Variants in TCF12 observed in about 807,000 individuals in gnomAD.
The protein encoded by TCF12 is transcription factor 12, also known as DNA-binding protein HTF4.
Under a neutral mutation model 86.0 loss-of-function variants are expected in TCF12, and 45 were observed. The observed-to-expected ratio is 0.52, with a 90% CI of 0.41 to 0.67. The LOEUF is 0.67. Ranked by LOEUF, TCF12 falls within the 30% of genes least tolerant of loss-of-function variation. The pLI, the probability that TCF12 is intolerant of heterozygous loss-of-function variation, is 0.00. For synonymous variants in TCF12, 330 were observed against 299.6 expected, an observed-to-expected ratio of 1.10 and a Z score of -1.05; for missense variants, 881 against 859.9, an observed-to-expected ratio of 1.02 and a Z score of -0.31.
chr15:57,205,260 G>A (rs776626670), intron 8 of TCF12, among the ~76,000 whole-genome samples: 2 of 151,888 alleles, frequency 1.3e-5, no homozygotes, highest in African/African-American at 2.4e-5. Context: ...CCAGGATCAC[G>A]CCACTGCACT....
intron 4 of TCF12, among the ~76,000 whole-genome samples, chr15:57,074,234 G>A (rs550140869): frequency 6.6e-6 from 1 of 152,080 alleles, no homozygotes; most frequent in East Asian, 1.9e-4. Context: ...TCTCCAAAGA[G>A]CTTTTTCTCA....
At chr15:57,129,669 C>T (rs1225797965) in intron 5 of TCF12, 4 of 152,184 alleles carry the variant, frequency 2.6e-5, no homozygotes, top group African/African-American at 4.8e-5. Flanking sequence ...TCTGGCCTTG[C>T]ACTATTTTTG....
intron 3 of TCF12, among the ~76,000 whole-genome samples, chr15:56,975,509 A>G (rs181873099): frequency 8.2e-4 from 125 of 152,322 alleles, no homozygotes; most frequent in Non-Finnish European, 2.8e-4. Context: ...ATTTCAAATT[A>G]TTAGAATCTC....
chr15:56,930,938 C>A, intron 3 of TCF12, among the ~76,000 whole-genome samples: 1 of 152,088 alleles, frequency 6.6e-6, no homozygotes, highest in East Asian at 1.9e-4. Context: ...TAGCGTGTGA[C>A]ATATATACCT....
At chr15:57,264,195 C>CTTGTTT (rs2060728356) in intron 18 of TCF12, among the ~76,000 whole-genome samples, 1 of 50,698 alleles carries the variant, frequency 2.0e-5, no homozygotes, top group Non-Finnish European at 3.0e-5. Context: ...CTTTTGTAAG[C>CTTGTTT]TTTTTTTTTT....
At chr15:56,931,083 C>T (rs910710086) in intron 3 of TCF12, among the ~76,000 whole-genome samples, 1 of 152,092 alleles carries the variant, frequency 6.6e-6, no homozygotes. Context: ...CTTCACCCCC[C>T]ACCCCAGGGA....
intron 3 of TCF12, among the ~76,000 whole-genome samples, chr15:57,036,660 A>T (rs2066521894): frequency 6.6e-6 from 1 of 152,146 alleles, no homozygotes; most frequent in African/African-American, 2.4e-5. Context: ...TCTTTGGAGA[A>T]CTATTTTGTT....
intron 3 of TCF12, among the ~76,000 whole-genome samples, chr15:57,007,792 C>CTTTCTCTCTT (rs1567241669): frequency 3.2e-4 from 17 of 52,530 alleles, no homozygotes; most frequent in African/African-American, 8.9e-4. Flanking sequence ...CTTTCTTTCT[C>CTTTCTCTCTT]TCTTTCTTTC....
At chr15:57,020,131 G>A (rs1351583734) in intron 3 of TCF12, among the ~76,000 whole-genome samples, 1 of 152,156 alleles carries the variant, frequency 6.6e-6, no homozygotes, top group African/African-American at 2.4e-5. Flanking sequence ...ATGTTTAATT[G>A]TACATATGAC....
chr15:57,003,913 A>C (rs1443560809), intron 3 of TCF12, among the ~76,000 whole-genome samples: 1 of 152,302 alleles, frequency 6.6e-6, no homozygotes, highest in Admixed American at 6.5e-5. Flanking sequence ...CTTAAAATCA[A>C]ATAGAACCTT....
At chr15:57,275,159 ACT>A (rs2061321301) in intron 19 of TCF12, among the ~76,000 whole-genome samples, 1 of 151,966 alleles carries the variant, frequency 6.6e-6, no homozygotes, top group South Asian at 2.1e-4. Flanking sequence ...CTGTCTAAGG[ACT>A]CTTTGACTGA....
Position 57,289,084 on chromosome 15 carries a change from G to C in TCF12, c.*2939G>C, listed in dbSNP as rs1431687049. On this transcript the variant is annotated 3_prime_UTR_variant, in exon 21 of 21. Coordinates refer to ENST00000333725, the MANE Select transcript of TCF12 (RefSeq NM_207037.2). ...CTAGACAAACTTTTTTTTTGACAGT[G>C]AATGACTTTTTGTAGGACCTGTGCG... 6.6e-6 allele frequency: 1 copy of C among 152,056 alleles called. No homozygotes were observed. Among genetic ancestry groups the C allele is most frequent in the Non-Finnish European group, 1.5e-5 (1 of 67,994 alleles). 9.4% of individuals were successfully genotyped at this position (152,056 alleles called of 1,614,324 possible). A position where few individuals can be genotyped will look rare whatever the true frequency, so the allele number is the denominator to read the frequency against.
chr15:57,125,448 C>A (rs2051573351), intron 5 of TCF12, among the ~76,000 whole-genome samples: 1 of 152,144 alleles, frequency 6.6e-6, no homozygotes, highest in Non-Finnish European at 1.5e-5. Context: ...TACTATTTTA[C>A]AGTTACACGA....
chr15:56,959,736 AT>A (rs2061660962), intron 3 of TCF12, among the ~76,000 whole-genome samples: 1 of 152,208 alleles, frequency 6.6e-6, no homozygotes, highest in Non-Finnish European at 1.5e-5. Context: ...ACATTCGGAT[AT>A]CAAATGCTTA....
intron 3 of TCF12, among the ~76,000 whole-genome samples, chr15:56,962,254 G>A (rs990180450): frequency 1.3e-5 from 2 of 152,004 alleles, no homozygotes; most frequent in Admixed American, 6.6e-5. Context: ...TTACTACTTA[G>A]TAAGGTGTGA....
intron 11 of TCF12, among the ~76,000 whole-genome samples, chr15:57,233,724 G>A (rs2059265379): frequency 6.6e-6 from 1 of 152,162 alleles, no homozygotes; most frequent in Admixed American, 6.5e-5. Context: ...AGATCTGCCT[G>A]CCTCAGCCTC....
chr15:57,028,046 C>G (rs886502779), intron 3 of TCF12, among the ~76,000 whole-genome samples: 1 of 152,012 alleles, frequency 6.6e-6, no homozygotes, highest in Non-Finnish European at 1.5e-5. Context: ...TCACTGCAAC[C>G]TCTGTCTCCT....
At chr15:57,170,649 A>T (rs1336435397) in intron 6 of TCF12, among the ~76,000 whole-genome samples, 2 of 43,732 alleles carry the variant, frequency 4.6e-5, no homozygotes, top group Non-Finnish European at 8.1e-5. Flanking sequence ...TATAATATAT[A>T]TATTATATAA....
chr15:57,116,236 C>G (rs771507248), intron 5 of TCF12, among the ~76,000 whole-genome samples: 2 of 152,224 alleles, frequency 1.3e-5, no homozygotes, highest in African/African-American at 4.8e-5. Context: ...TACATATACA[C>G]ATTTTCACAG....
Sources: gnomAD v4.1 joint callset for allele counts (sites outside exome capture counted in the v4.1 genomes callset) on GRCh38, gnomAD v4.1.1 for gene constraint, MANE v1.5 for transcripts, NCBI Gene and HGNC (gene_info 2026-07-23, HGNC 2026-07-21) for gene names.